Variants in ABCA9 observed in about 807,000 individuals in gnomAD.
The protein encoded by ABCA9 is ATP-binding cassette sub-family A member 9.
A neutral mutation model predicts 205.3 loss-of-function variants in ABCA9; 183 were observed. That is an observed-to-expected ratio of 0.89 (90% CI 0.79 to 1.01). ABCA9 has a LOEUF of 1.01. ABCA9 is among the 50% of genes least tolerant of loss of function. The pLI, the probability that ABCA9 is intolerant of heterozygous loss-of-function variation, is 0.00. For missense variants in ABCA9, 1,805 were observed against 1,912.4 expected (o/e 0.94, Z 1.05); for synonymous variants, 651 against 683.3 (o/e 0.95, Z 0.74).
Position 69,024,271 on chromosome 17 carries a change from G to A in ABCA9, c.2224C>T (p.Gln742Ter), listed in dbSNP as rs2070912312. The change falls in exon 17 of 39, where the codon CAA becomes TAA. Residue 742 changes from glutamine to a stop codon, truncating the protein, a stop_gained. Coordinates refer to ENST00000340001, the MANE Select transcript of ABCA9 (RefSeq NM_080283.4). LOFTEE classifies it high-confidence loss of function. ...QHISDAKLTA[Q>*]SEEKLVYILP... ...ATATATACAAGTTTTTCTTCACTTT[G>A]TGCTGTCAATTTGGCATCAGAGATG... is the stretch of plus-strand genomic sequence containing the variant. 1 of 1,612,912 alleles carries A rather than the reference G, an allele frequency of 6.2e-7. No homozygotes were observed. Among genetic ancestry groups the A allele is most frequent in the South Asian group, 1.1e-5 (1 of 91,010 alleles).
At chr17:69,035,184 T>G (rs1339581867) in intron 8 of ABCA9, 62 bp downstream of exon 8, 3 of 1,306,796 alleles carry the variant, frequency 2.3e-6, no homozygotes, top group Non-Finnish European at 3.0e-6. Context: ...TTGTGTGAAT[T>G]ATTAAGAGGG....
intron 19 of ABCA9, among the ~76,000 whole-genome samples, chr17:69,019,384 A>G (rs1389358391): frequency 2.0e-5 from 3 of 152,110 alleles, no homozygotes; most frequent in Non-Finnish European, 2.9e-5. Flanking sequence ...TTACTTTTTC[A>G]TACACTTTAT....
In ABCA9 at chr17:69,017,652, A is replaced by C; in HGVS notation, c.2901+4T>G. The C allele has an allele frequency of 6.2e-7, 1 of 1,612,730 alleles. No individual in the cohort carries two copies. Among genetic ancestry groups the C allele is most frequent in the Non-Finnish European group, 8.5e-7 (1 of 1,179,084 alleles). ...TGAAATGCAGCAACTGGAGTCCAGC[A>C]TACCTTTTCATCACCTGACACAATG... On this transcript the variant is annotated splice_donor_region_variant and intron_variant, in intron 21 of 38. Transcript: ENST00000340001.
intron 25 of ABCA9, among the ~76,000 whole-genome samples, chr17:69,007,480 C>A (rs1055838018): frequency 6.6e-6 from 1 of 152,084 alleles, no homozygotes; most frequent in African/African-American, 2.4e-5. Context: ...TCACTAAGGT[C>A]TTCTTTAAAT....
Position 69,035,673 on chromosome 17 carries a change from T to G in ABCA9, c.929A>C (p.Tyr310Ser). Reference protein sequence around the residue: ...FVMVFTLFLLYGLSLITLAFL... With the variant: ...FVMVFTLFLLSGLSLITLAFL... Reference sequence around the variant, plus strand: ...TAACCAACTCACCAAAGACAGGCCATAGAGGAGAAAGAGGGTGAAGACCAT... The same window carrying G: ...TAACCAACTCACCAAAGACAGGCCAGAGAGGAGAAAGAGGGTGAAGACCAT... The change falls in exon 7 of 39, where the codon TAT (tyrosine) becomes TCT (serine). Residue 310 changes from tyrosine to serine, a missense_variant. Coordinates refer to ENST00000340001, the MANE Select transcript of ABCA9 (RefSeq NM_080283.4). 1 of 1,613,146 alleles carries G rather than the reference T, an allele frequency of 6.2e-7. No homozygotes were observed.
At position 69,035,314 on chromosome 17, in the gene ABCA9, G is replaced by T; in HGVS notation, c.1060C>A (p.Leu354Ile). ...AAAGTCCATTCCAAAAATGCAGGAA[G>T]ACGTGTATACAATGCTGGGAATCCC... ...ILGFPALYTR[L>I]PAFLEWTLCL... Residue 354 changes from leucine to isoleucine, a missense_variant, in exon 8 of 39, where the codon CTT (leucine) becomes ATT (isoleucine). Coordinates refer to ENST00000340001, the MANE Select transcript of ABCA9 (RefSeq NM_080283.4). The T allele has an allele frequency of 2.5e-6, 4 of 1,607,988 alleles. No individual in the cohort carries two copies. The highest frequency in any genetic ancestry group is 3.4e-6 in the Non-Finnish European group (4 of 1,176,882).
chr17:69,070,166 T>G, the ABCA9 span, among the ~76,000 whole-genome samples: 4 of 152,264 alleles, frequency 2.6e-5, no homozygotes, highest in Admixed American at 2.6e-4. Context: ...TCAGATACAA[T>G]TATATCTGTA....
chr17:69,038,578 A>G (rs1478064822), intron 6 of ABCA9, among the ~76,000 whole-genome samples: 2 of 152,226 alleles, frequency 1.3e-5, no homozygotes, highest in Admixed American at 6.5e-5. Context: ...CAAAATAATA[A>G]CAGCTATTTA....
At chr17:68,987,736 G>GT (rs1426405231) in intron 31 of ABCA9, among the ~76,000 whole-genome samples, 6,485 of 144,162 alleles carry the variant, frequency 0.045, 337 homozygotes, top group African/African-American at 0.12. Flanking sequence ...CCTCATTTGC[G>GT]TTTTTTTTTG....
At position 69,044,506 on chromosome 17, in the gene ABCA9, A is replaced by T; in HGVS notation, c.564T>A (p.Ala188=). 6.2e-7 allele frequency: 1 copy of T among 1,612,900 alleles called. No individual in the cohort carries two copies. The highest frequency in any genetic ancestry group is 8.5e-7 in the Non-Finnish European group (1 of 1,179,318). ...TTAACTTTATACTCACTTCTATGAT[A>T]GCAGCATTAATGGCAGCTTGAAAAG... ...FVAFQAAINA[A]IIEIATNHSV... The change falls in exon 5 of 39, where the codon GCT becomes GCA. Residue 188 remains alanine (A), a synonymous_variant. Coordinates refer to ENST00000340001, the MANE Select transcript of ABCA9 (RefSeq NM_080283.4).
chr17:69,046,875 CTATATATATATATATATA>C (rs71144650), intron 3 of ABCA9, among the ~76,000 whole-genome samples: 9,176 of 127,746 alleles, frequency 0.072, 872 homozygotes, highest in African/African-American at 0.21. Flanking sequence ...CGATTTTATA[CTATATATATATATATATA>C]TATATATATA....
At chr17:69,076,858 C>T in the ABCA9 span, among the ~76,000 whole-genome samples, 2 of 151,974 alleles carry the variant, frequency 1.3e-5, no homozygotes, top group African/African-American at 4.8e-5. Context: ...GTTGTAATGT[C>T]GCCTTTGTCA....
chr17:69,021,713 C>T, intron 18 of ABCA9, 29 bp downstream of exon 18: 1 of 1,387,784 alleles, frequency 7.2e-7, no homozygotes, highest in Non-Finnish European at 9.9e-7. Context: ...TTCTTTCTCC[C>T]TTTCTTTCTC....
intron 1 of ABCA9, among the ~76,000 whole-genome samples, chr17:69,058,836 CA>C (rs34009101): frequency 0.078 from 9,888 of 127,186 alleles, 772 homozygotes; most frequent in African/African-American, 0.21. Context: ...GAGACTGTCT[CA>C]AAAAAAAAAA....
chr17:69,006,522 T>C (rs2070136245), intron 25 of ABCA9, among the ~76,000 whole-genome samples: 1 of 152,266 alleles, frequency 6.6e-6, no homozygotes, highest in Non-Finnish European at 1.5e-5. Context: ...CTATTGTCGA[T>C]TATATACAGA....
In ABCA9 at chr17:68,997,952, C is replaced by T. The variant is rs554820442; in HGVS notation, c.3436-1938G>A. 1.4e-4 allele frequency among the ~76,000 whole-genome samples: 22 copies of T among 152,326 alleles called. No homozygotes were observed. In the South Asian group the frequency reaches 4.6e-3, roughly 32 times the overall value. On this transcript the variant is annotated intron_variant, in intron 25 of 38. Coordinates refer to ENST00000340001, the MANE Select transcript of ABCA9 (RefSeq NM_080283.4). ...GATCCACCTATTCATCCCTCACTCC[C>T]TATGACCCCTGGCAACCATTGATCT...
intron 37 of ABCA9, among the ~76,000 whole-genome samples, chr17:68,981,457 G>A (rs187679670): frequency 6.0e-4 from 92 of 152,176 alleles, no homozygotes; most frequent in Middle Eastern, 3.4e-3. Context: ...ATCTCACTGC[G>A]GAATCCTTCC....
intron 25 of ABCA9, among the ~76,000 whole-genome samples, chr17:68,998,572 T>C (rs1034452779): frequency 6.6e-6 from 1 of 152,106 alleles, no homozygotes. Flanking sequence ...GAATTTCTTC[T>C]ATTATATTTT....
chr17:69,026,740 T>C (rs1598389221), intron 15 of ABCA9, among the ~76,000 whole-genome samples: 1 of 152,148 alleles, frequency 6.6e-6, no homozygotes, highest in African/African-American at 2.4e-5. Flanking sequence ...TAAAACAAAT[T>C]GTATCTTAGA....
Sources: allele counts gnomAD v4.1 joint callset (sites outside exome capture counted in the v4.1 genomes callset), GRCh38; gene constraint gnomAD v4.1.1; transcripts MANE v1.5; gene names NCBI Gene and HGNC (gene_info 2026-07-23, HGNC 2026-07-21).